Variants in WDR7 observed in about 807,000 individuals in gnomAD.
The protein encoded by WDR7 is WD repeat-containing protein 7.
WDR7 carries 46 observed loss-of-function variants against 169.4 expected under a neutral mutation model. The ratio of observed to expected loss-of-function variants is 0.27; its 90% CI spans 0.21 to 0.35. The LOEUF (loss-of-function observed/expected upper bound fraction) is 0.35, where lower values mean the gene tolerates loss of function less well. Among genes scored for constraint, WDR7 ranks in the 10% least tolerant of loss-of-function variants. WDR7 has a pLI of 1.00. For missense variants in WDR7, 1,534 were observed against 1,859.3 expected, an observed-to-expected ratio of 0.83 and a Z score of 3.22; for synonymous variants, 612 against 666.8, an observed-to-expected ratio of 0.92 and a Z score of 1.27.
intron 19 of WDR7, among the ~76,000 whole-genome samples, chr18:56,787,178 C>T (rs565131036): frequency 7.2e-5 from 11 of 152,232 alleles, no homozygotes; most frequent in Non-Finnish European, 1.3e-4. Flanking sequence ...TATGCCCACA[C>T]TTGCCCTTCA....
rs567540998 is a variant in WDR7 at position 56,932,018 on chromosome 18, A to C, written c.3714-3770A>C. On this transcript the variant is annotated intron_variant, in intron 22 of 27. Coordinates refer to ENST00000254442, the MANE Select transcript of WDR7 (RefSeq NM_015285.3). ...AAGGCTACTTTTAAGTAGGGCAACC[A>C]GGAAATAAAGTTGGTGCTTTGGGAA... Among the ~76,000 whole-genome samples, 16 of 152,284 alleles carry C rather than the reference A, an allele frequency of 1.1e-4. 1 individual carries two copies. Among genetic ancestry groups the C allele is most frequent in the African/African-American group, 3.9e-4 (16 of 41,552 alleles).
At chr18:56,691,951 G>A (rs1568139679) in intron 9 of WDR7, 134 bp downstream of exon 9, 3 of 593,056 alleles carry the variant, frequency 5.1e-6, no homozygotes, top group Non-Finnish European at 8.3e-6. Context: ...AACATTTTGA[G>A]ATGGTCAGTT....
intron 20 of WDR7, among the ~76,000 whole-genome samples, chr18:56,878,372 A>T (rs1568244063): frequency 6.6e-6 from 1 of 152,100 alleles, no homozygotes; most frequent in African/African-American, 2.4e-5. Context: ...TTGCCTGGAA[A>T]ACTTACCCTT....
At chr18:57,017,311 AC>A (rs2048219495) in intron 26 of WDR7, among the ~76,000 whole-genome samples, 2 of 152,188 alleles carry the variant, frequency 1.3e-5, no homozygotes, top group African/African-American at 4.8e-5. Context: ...GCTTGCTCTT[AC>A]GAGACAGCAG....
chr18:56,916,605 C>T (rs1230898639), intron 21 of WDR7, among the ~76,000 whole-genome samples: 1 of 152,090 alleles, frequency 6.6e-6, no homozygotes, highest in Non-Finnish European at 1.5e-5. Context: ...CCTTAATTAT[C>T]TTGTGCCATT....
At chr18:56,683,384 G>C (rs1206874403) in intron 5 of WDR7, among the ~76,000 whole-genome samples, 1 of 152,100 alleles carries the variant, frequency 6.6e-6, no homozygotes, top group Admixed American at 6.6e-5. Flanking sequence ...AACCATAAAA[G>C]CAAAAGTAAA....
chr18:56,971,494 C>A (rs1400647355), intron 26 of WDR7, among the ~76,000 whole-genome samples: 1 of 152,002 alleles, frequency 6.6e-6, no homozygotes. Context: ...CCTCAGGGAA[C>A]ATAATTTGGT....
chr18:56,969,126 T>A (rs1027834512), intron 26 of WDR7, among the ~76,000 whole-genome samples: 1 of 152,216 alleles, frequency 6.6e-6, no homozygotes, highest in Admixed American at 6.5e-5. Flanking sequence ...TCAAATTCAA[T>A]GTGTCAGACA....
chr18:56,761,656 T>C (rs575147265), intron 16 of WDR7, among the ~76,000 whole-genome samples: 69 of 152,070 alleles, frequency 4.5e-4, no homozygotes, highest in Admixed American at 1.8e-3. Flanking sequence ...GTGTTCTTTA[T>C]CTATCATAAC....
chr18:56,828,542 A>G (rs2045252248), intron 20 of WDR7, among the ~76,000 whole-genome samples: 1 of 152,236 alleles, frequency 6.6e-6, no homozygotes, highest in Non-Finnish European at 1.5e-5. Flanking sequence ...GATATGGTCC[A>G]TGGAGAAAGA....
At chr18:56,675,114 C>T (rs894375772) in intron 2 of WDR7, among the ~76,000 whole-genome samples, 1 of 152,120 alleles carries the variant, frequency 6.6e-6, no homozygotes, top group African/African-American at 2.4e-5. Context: ...GTCTTAATTA[C>T]TATTGTTTTA....
At chr18:56,652,196 T>G (rs1408026389) in intron 1 of WDR7, among the ~76,000 whole-genome samples, 1 of 152,190 alleles carries the variant, frequency 6.6e-6, no homozygotes, top group Non-Finnish European at 1.5e-5. Flanking sequence ...TTTACCCACT[T>G]AGTATGTCAC....
In WDR7 at chr18:56,658,616, A is replaced by AAATT. The variant is rs201670029; in HGVS notation, c.-20+7041_-20+7042insATTA. Reference sequence around the variant, plus strand: ...TTTCACATTTAAGCTATCTTCCTTAAAGGCTCTTCTTTTTTCTAAATGTTT... The same window carrying AAATT: ...TTTCACATTTAAGCTATCTTCCTTAAAATTAGGCTCTTCTTTTTTCTAAATGTTT... On this transcript the variant is annotated intron_variant, in intron 1 of 27. Transcript: ENST00000254442. Among the ~76,000 whole-genome samples, 428 of 152,330 alleles carry AAATT rather than the reference A, an allele frequency of 2.8e-3. 5 individuals are homozygous for AAATT. The East Asian group carries it at 0.039, about 14-fold the overall frequency.
At chr18:56,842,625 C>T (rs554006485) in intron 20 of WDR7, among the ~76,000 whole-genome samples, 2 of 152,220 alleles carry the variant, frequency 1.3e-5, no homozygotes, top group East Asian at 3.9e-4. Flanking sequence ...TTCGGTATAG[C>T]CTATTCAAAA....
chr18:56,688,636 G>A (rs1227244568), intron 7 of WDR7, among the ~76,000 whole-genome samples: 1 of 151,746 alleles, frequency 6.6e-6, no homozygotes, highest in Non-Finnish European at 1.5e-5. Context: ...GACTGAGGCA[G>A]AATAATTACT....
intron 16 of WDR7, among the ~76,000 whole-genome samples, chr18:56,773,181 G>A (rs756552419): frequency 6.6e-6 from 1 of 152,078 alleles, no homozygotes; most frequent in Non-Finnish European, 1.5e-5. Context: ...ATTTAATGAG[G>A]CAGGGTTCCT....
At chr18:56,827,655 A>G (rs1358709301) in intron 20 of WDR7, among the ~76,000 whole-genome samples, 1 of 152,146 alleles carries the variant, frequency 6.6e-6, no homozygotes, top group African/African-American at 2.4e-5. Flanking sequence ...CAACAGGGTG[A>G]CCATAGTCAA....
At chr18:56,754,505 G>A (rs2043851980) in intron 14 of WDR7, among the ~76,000 whole-genome samples, 1 of 151,438 alleles carries the variant, frequency 6.6e-6, no homozygotes, top group Non-Finnish European at 1.5e-5. Flanking sequence ...CATTAAATAT[G>A]TGAAATTGGA....
At chr18:56,922,947 A>G (rs948059135) in intron 21 of WDR7, among the ~76,000 whole-genome samples, 1 of 152,226 alleles carries the variant, frequency 6.6e-6, no homozygotes, top group Admixed American at 6.5e-5. Context: ...TAAGCTCAGT[A>G]GTATGAGAAA....
Sources: gnomAD v4.1 joint callset for allele counts (sites outside exome capture counted in the v4.1 genomes callset) on GRCh38, gnomAD v4.1.1 for gene constraint, MANE v1.5 for transcripts, NCBI Gene and HGNC (gene_info 2026-07-23, HGNC 2026-07-21) for gene names.